The following CDYL2 variants were observed in gnomAD, a reference collection of about 807,000 sequenced individuals.
The protein encoded by CDYL2 is chromodomain Y like 2, also known as chromodomain Y-like protein 2.
A neutral mutation model predicts 49.4 loss-of-function variants in CDYL2; 23 were observed. That is an observed-to-expected ratio of 0.47 (90% CI 0.34 to 0.66). The LOEUF is 0.66. CDYL2 is among the 30% of genes least tolerant of loss of function. The probability of loss-of-function intolerance (pLI) is 0.01; values close to 1 mark genes in which losing one functional copy is unlikely to be tolerated. For missense variants in CDYL2, 678 were observed against 656.4 expected (o/e 1.03, Z -0.36); for synonymous variants, 360 against 268.8 (o/e 1.34, Z -3.32).
At chr16:80,742,853 A>C (rs1467435916) in intron 1 of CDYL2, among the ~76,000 whole-genome samples, 1 of 150,668 alleles carries the variant, frequency 6.6e-6, no homozygotes. Flanking sequence ...AAATGAGTGG[A>C]TATATGAATG....
intron 1 of CDYL2, among the ~76,000 whole-genome samples, chr16:80,774,157 G>T (rs1018720910): frequency 6.6e-6 from 1 of 152,010 alleles, no homozygotes; most frequent in Non-Finnish European, 1.5e-5. Context: ...ACAGAAATCA[G>T]AAGTGACAAA....
intron 1 of CDYL2, among the ~76,000 whole-genome samples, chr16:80,760,587 C>T (rs1200480490): frequency 6.6e-6 from 1 of 151,830 alleles, no homozygotes; most frequent in Non-Finnish European, 1.5e-5. Context: ...CAAAACATCT[C>T]GTATACCCCA....
At chr16:80,731,238 A>C (rs951261297) in intron 1 of CDYL2, among the ~76,000 whole-genome samples, 1 of 118,506 alleles carries the variant, frequency 8.4e-6, no homozygotes, top group African/African-American at 2.5e-5. Context: ...GAAGCTCTTG[A>C]AAACTAAAAA....
intron 1 of CDYL2, among the ~76,000 whole-genome samples, chr16:80,788,565 C>T (rs190572167): frequency 4.8e-4 from 73 of 152,336 alleles, no homozygotes; most frequent in Non-Finnish European, 9.1e-4. Context: ...AGGTGCAAGA[C>T]AGTGCTATGA....
intron 1 of CDYL2, among the ~76,000 whole-genome samples, chr16:80,687,101 T>C (rs1421930163): frequency 1.3e-5 from 2 of 152,204 alleles, no homozygotes; most frequent in Admixed American, 1.3e-4. Flanking sequence ...TTTGTGAACA[T>C]TGTAGGGAGA....
intron 1 of CDYL2, among the ~76,000 whole-genome samples, chr16:80,791,468 T>C (rs1434471593): frequency 6.6e-6 from 1 of 151,962 alleles, no homozygotes; most frequent in African/African-American, 2.4e-5. Context: ...ATTTAGAAAA[T>C]AAGATACTAC....
intron 1 of CDYL2, among the ~76,000 whole-genome samples, chr16:80,722,428 C>T (rs988255128): frequency 6.6e-6 from 1 of 152,250 alleles, no homozygotes; most frequent in African/African-American, 2.4e-5. Flanking sequence ...AGAATTTACC[C>T]AGGAACTCAC....
chr16:80,699,468 C>T (rs537887749), intron 1 of CDYL2, among the ~76,000 whole-genome samples: 2 of 152,252 alleles, frequency 1.3e-5, no homozygotes, highest in Admixed American at 1.3e-4. Context: ...AAAAGTTGAT[C>T]TCATAGAAGT....
chr16:80,730,341 A>G lies in CDYL2; in HGVS notation c.25-45212T>C, dbSNP rs113718190. Among the ~76,000 whole-genome samples, 19 of 152,062 alleles carry G rather than the reference A, an allele frequency of 1.2e-4. 1 individual carries two copies. Among genetic ancestry groups the G allele is most frequent in the South Asian group, 4.1e-4 (2 of 4,828 alleles). On this transcript the variant is annotated intron_variant, in intron 1 of 6. Coordinates refer to ENST00000570137, the MANE Select transcript of CDYL2 (RefSeq NM_152342.4). The stretch of plus-strand genomic sequence containing the variant: ...ACAAACACCTCTACGCAAATAAACT[A>G]GAAAATCTAGAAGAAATGGATAAAT...
chr16:80,605,622 T>C (rs1044754799), intron 6 of CDYL2, among the ~76,000 whole-genome samples: 10 of 151,216 alleles, frequency 6.6e-5, no homozygotes, highest in Non-Finnish European at 1.3e-4. Context: ...ACAATAATCA[T>C]AGTAATAGTC....
intron 1 of CDYL2, among the ~76,000 whole-genome samples, chr16:80,782,820 T>C (rs754474547): frequency 3.9e-5 from 6 of 151,916 alleles, no homozygotes; most frequent in Admixed American, 2.6e-4. Context: ...AAATAAAATT[T>C]TGAAAAACTA....
chr16:80,794,279 C>G (rs1415693120), intron 1 of CDYL2, among the ~76,000 whole-genome samples: 2 of 152,182 alleles, frequency 1.3e-5, no homozygotes, highest in Non-Finnish European at 2.9e-5. Context: ...CACCAGCCTC[C>G]TCAACCTCAA....
chr16:80,792,304 A>G (rs1907634727), intron 1 of CDYL2, among the ~76,000 whole-genome samples: 1 of 152,218 alleles, frequency 6.6e-6, no homozygotes, highest in African/African-American at 2.4e-5. Flanking sequence ...AGAAACTGCA[A>G]TGTTTAAGGA....
At chr16:80,685,977 A>G (rs916377845) in intron 1 of CDYL2, among the ~76,000 whole-genome samples, 2 of 152,258 alleles carry the variant, frequency 1.3e-5, no homozygotes, top group African/African-American at 2.4e-5. Flanking sequence ...GCAAAGAGAT[A>G]GGTAACATTT....
chr16:80,763,943 G>C (rs1906625688), intron 1 of CDYL2, among the ~76,000 whole-genome samples: 1 of 152,096 alleles, frequency 6.6e-6, no homozygotes, highest in African/African-American at 2.4e-5. Context: ...GACAAAATAG[G>C]GAAGGGGGTA....
intron 1 of CDYL2, among the ~76,000 whole-genome samples, chr16:80,794,658 C>T (rs1907716092): frequency 8.4e-6 from 1 of 119,076 alleles, no homozygotes; most frequent in Admixed American, 1.1e-4. Context: ...GTTGCCCAGG[C>T]TGGAGTGCAA....
rs1402509654 is a variant in CDYL2, at chr16:80,604,541, T to C, written c.1368A>G (p.Leu456=). 1.2e-6 allele frequency: 2 copies of C among 1,614,082 alleles called. No individual in the cohort carries two copies. The highest frequency in any genetic ancestry group is 8.5e-7 in the Non-Finnish European group (1 of 1,180,036). ...KEMASCSAVV[L]EESKCLVRSF... is the part of the protein sequence containing the mutation. ...TCCGCACGAGGCATTTGGACTCCTC[T>C]AACACCTAGAGGGAAATAGACAGGC... Residue 456 remains leucine, a synonymous_variant, in exon 7 of 7, where the codon TTA becomes TTG. Transcript: ENST00000570137.
In CDYL2 at chr16:80,804,170, C is replaced by T; in HGVS notation, c.4G>A (p.Ala2Thr). The T allele has an allele frequency of 2.3e-6, 3 of 1,313,108 alleles. No individual in the cohort carries two copies. Among genetic ancestry groups the T allele is most frequent in the Non-Finnish European group, 1.0e-6 (1 of 1,001,392 alleles). 81.3% of individuals were successfully genotyped at this position (1,313,108 alleles called of 1,614,324 possible). ...CGTACCTCGTAAAGGTCCCCAGAAG[C>T]CATGCCAGGCTGCGGAACTTGGCTC... The part of the protein sequence containing the change: M[A>T]SGDLYEVERI... Residue 2 changes from alanine to threonine, a missense_variant, in exon 1 of 7, where the codon GCT becomes ACT. Physicochemically the swap from Ala to Thr is moderately conservative, Grantham distance 58. Coordinates refer to ENST00000570137, the MANE Select transcript of CDYL2 (RefSeq NM_152342.4).
chr16:80,608,685 CTT>C (rs1906454388), intron 5 of CDYL2, among the ~76,000 whole-genome samples: 1 of 152,134 alleles, frequency 6.6e-6, no homozygotes, highest in Non-Finnish European at 1.5e-5. Flanking sequence ...GTGGAAAAGT[CTT>C]TCTTCCTCTG....
Sources: gnomAD v4.1 joint callset for allele counts (sites outside exome capture counted in the v4.1 genomes callset) on GRCh38, gnomAD v4.1.1 for gene constraint, MANE v1.5 for transcripts, NCBI Gene and HGNC (gene_info 2026-07-23, HGNC 2026-07-21) for gene names.